NIPBL: variants seen among roughly 807,000 people sequenced by gnomAD.
NIPBL encodes NIPBL cohesin loading factor.
A neutral mutation model predicts 321.8 loss-of-function variants in NIPBL; 19 were observed. The ratio of observed to expected loss-of-function variants is 0.06; its 90% CI spans 0.04 to 0.09. The LOEUF is 0.09. Ranked by LOEUF, NIPBL falls within the 10% of genes least tolerant of loss-of-function variation. The pLI, the probability that NIPBL is intolerant of heterozygous loss-of-function variation, is 1.00. For missense variants in NIPBL, 2,210 were observed against 3,327.0 expected (o/e 0.66, Z 8.26); for synonymous variants, 1,106 against 1,114.1 (o/e 0.99, Z 0.14).
chr5:36,899,217 G>A (rs1352273083), intron 1 of NIPBL, among the ~76,000 whole-genome samples: 6 of 152,080 alleles, frequency 3.9e-5, no homozygotes, highest in Non-Finnish European at 8.8e-5. Flanking sequence ...CCCTTAAATA[G>A]TTTTAGGACA....
At chr5:36,897,405 T>A (rs1216420765) in intron 1 of NIPBL, among the ~76,000 whole-genome samples, 3 of 152,200 alleles carry the variant, frequency 2.0e-5, no homozygotes, top group Non-Finnish European at 2.9e-5. Flanking sequence ...CTTGCTGAAC[T>A]TGTTTATTAA....
intron 1 of NIPBL, among the ~76,000 whole-genome samples, chr5:36,920,457 A>C (rs982097397): frequency 4.6e-5 from 7 of 152,214 alleles, no homozygotes; most frequent in African/African-American, 1.4e-4. Context: ...GTGTGAGTTT[A>C]AAGTTGATGC....
chr5:36,916,867 A>G (rs1654723676), intron 1 of NIPBL, among the ~76,000 whole-genome samples: 1 of 152,104 alleles, frequency 6.6e-6, no homozygotes, highest in African/African-American at 2.4e-5. Flanking sequence ...TCCATGGTGT[A>G]TATGTGCCAC....
intron 42 of NIPBL, among the ~76,000 whole-genome samples, chr5:37,053,461 T>C (rs1753777283): frequency 6.6e-6 from 1 of 152,218 alleles, no homozygotes; most frequent in Non-Finnish European, 1.5e-5. Context: ...AATTTATAAA[T>C]TAGTCACAGT....
chr5:36,931,762 T>A lies in NIPBL; in HGVS notation c.-79-21856T>A, dbSNP rs148628590. Among the ~76,000 whole-genome samples, 1,223 of 151,140 alleles carry A rather than the reference T, an allele frequency of 8.1e-3. 10 individuals carry two copies. Among genetic ancestry groups the A allele is most frequent in the African/African-American group, 0.028 (1,161 of 41,170 alleles). Reference sequence around the variant, plus strand: ...TTGATTATTTTTTAAGAACTAATTTTTGAATTCATTCGTATGTCTCTGGTT... The same window carrying A: ...TTGATTATTTTTTAAGAACTAATTTATGAATTCATTCGTATGTCTCTGGTT... On this transcript the variant is annotated intron_variant, in intron 1 of 46. Transcript: ENST00000282516.
chr5:37,014,100 G>A (rs1036789609), intron 21 of NIPBL, among the ~76,000 whole-genome samples: 4 of 152,164 alleles, frequency 2.6e-5, no homozygotes, highest in Admixed American at 2.0e-4. Flanking sequence ...CGCAGCTCTC[G>A]GCAAGCTGAG....
intron 32 of NIPBL, among the ~76,000 whole-genome samples, 191 bp downstream of exon 32, chr5:37,027,603 GTTTTTTTTTTTT>G (rs781358128): frequency 1.4e-5 from 1 of 69,748 alleles, no homozygotes; most frequent in Non-Finnish European, 2.4e-5. Flanking sequence ...CCTGGTTGTG[GTTTTTTTTTTTT>G]TTTTTTTTTT....
chr5:37,001,875 G>T (rs1021314457), intron 14 of NIPBL, among the ~76,000 whole-genome samples: 1 of 152,110 alleles, frequency 6.6e-6, no homozygotes, highest in Non-Finnish European at 1.5e-5. Flanking sequence ...AGCTGGTAAA[G>T]TAAGTATTTG....
intron 45 of NIPBL, 40 bp downstream of exon 45, chr5:37,061,058 C>CT: frequency 2.6e-6 from 4 of 1,533,526 alleles, no homozygotes; most frequent in Non-Finnish European, 3.6e-6. Flanking sequence ...CTCATAAGGG[C>CT]TTTTTTGACA....
At chr5:37,054,870 A>G (rs1579591627) in intron 42 of NIPBL, among the ~76,000 whole-genome samples, 1 of 152,190 alleles carries the variant, frequency 6.6e-6, no homozygotes, top group Non-Finnish European at 1.5e-5. Flanking sequence ...TGGGGCAGAA[A>G]GGTCATAATG....
chr5:37,041,543 G>T lies in NIPBL; in HGVS notation c.6109-2804G>T, dbSNP rs191328777. The stretch of plus-strand genomic sequence containing the variant: ...GCCTCCCAAAGTACTGGGATTACAG[G>T]CATGAGCCACTGTGCCCGGCCTATT... On this transcript the variant is annotated intron_variant, in intron 34 of 46. Coordinates refer to ENST00000282516, the MANE Select transcript of NIPBL (RefSeq NM_133433.4). Among the ~76,000 whole-genome samples, 338 of 151,442 alleles carry T rather than the reference G, an allele frequency of 2.2e-3. 2 individuals carry two copies. Among genetic ancestry groups the T allele is most frequent in the Middle Eastern group, 0.017 (5 of 294 alleles).
At chr5:36,894,077 C>G (rs1305049621) in intron 1 of NIPBL, among the ~76,000 whole-genome samples, 1 of 152,106 alleles carries the variant, frequency 6.6e-6, no homozygotes, top group Non-Finnish European at 1.5e-5. Flanking sequence ...ACACTAAGTC[C>G]TCAGCAAATA....
At chr5:36,942,432 TAA>T (rs33935189) in intron 1 of NIPBL, among the ~76,000 whole-genome samples, 21 of 59,778 alleles carry the variant, frequency 3.5e-4, no homozygotes, top group East Asian at 5.3e-4. Flanking sequence ...ACTCTGTCTT[TAA>T]AAAAAAAAAA....
At chr5:36,986,811 G>A (rs1265096708) in intron 10 of NIPBL, among the ~76,000 whole-genome samples, 1 of 152,000 alleles carries the variant, frequency 6.6e-6, no homozygotes, top group East Asian at 1.9e-4. Context: ...ATATCTTTTT[G>A]TCCTTGTTTA....
intron 1 of NIPBL, among the ~76,000 whole-genome samples, chr5:36,878,303 G>A (rs1382956190): frequency 6.6e-6 from 1 of 152,154 alleles, no homozygotes; most frequent in East Asian, 1.9e-4. Flanking sequence ...ATTTTAATAG[G>A]TTAAATGTAT....
At chr5:37,007,931 G>T (rs1171242539) in intron 18 of NIPBL, 77 bp from the exon 19 acceptor site, 2 of 874,878 alleles carry the variant, frequency 2.3e-6, no homozygotes, top group Non-Finnish European at 3.9e-6. Flanking sequence ...GCTTATGAAT[G>T]TATTGGAATT....
chr5:36,993,901 C>T (rs1580420241), intron 10 of NIPBL, among the ~76,000 whole-genome samples: 1 of 152,074 alleles, frequency 6.6e-6, no homozygotes, highest in East Asian at 1.9e-4. Context: ...AATCAAGAAG[C>T]ATCTATTGAC....
rs144718523 is a variant in NIPBL, at chr5:37,052,355, A to G, written c.7063-11A>G. On this transcript the variant is annotated splice_polypyrimidine_tract_variant and intron_variant, in intron 41 of 46. Transcript: ENST00000282516. ...TTTCCCTGACAAAAATGAGACTTTTATTGATTTCAGATGAAAGCAGTGGCT... is the reference window on the plus strand; with the variant it reads ...TTTCCCTGACAAAAATGAGACTTTTGTTGATTTCAGATGAAAGCAGTGGCT... 6.2e-7 allele frequency: 1 copy of G among 1,610,892 alleles called. No homozygotes were observed. Among genetic ancestry groups the G allele is most frequent in the South Asian group, 1.1e-5 (1 of 91,028 alleles).
intron 45 of NIPBL, among the ~76,000 whole-genome samples, chr5:37,061,347 T>C (rs548117931): frequency 6.6e-6 from 1 of 152,232 alleles, no homozygotes; most frequent in Non-Finnish European, 1.5e-5. Flanking sequence ...CCCCCATGGA[T>C]ACCCAAATCC....
Sources: gnomAD v4.1 joint callset for allele counts (sites outside exome capture counted in the v4.1 genomes callset) on GRCh38, gnomAD v4.1.1 for gene constraint, MANE v1.5 for transcripts, NCBI Gene and HGNC (gene_info 2026-07-23, HGNC 2026-07-21) for gene names.